The following RUBCN variants were observed in gnomAD, a reference collection of about 807,000 sequenced individuals.
RUBCN encodes the protein run domain Beclin-1-interacting and cysteine-rich domain-containing protein.
A neutral mutation model predicts 113.2 loss-of-function variants in RUBCN; 74 were observed. That is an observed-to-expected ratio of 0.65 (90% confidence interval 0.54 to 0.79). The LOEUF is 0.79. Among genes scored for constraint, RUBCN ranks in the 30% least tolerant of loss-of-function variants. RUBCN has a pLI of 0.00. For missense variants in RUBCN, 1,109 were observed against 1,251.7 expected, an observed-to-expected ratio of 0.89 and a Z score of 1.72; for synonymous variants, 480 against 490.0, an observed-to-expected ratio of 0.98 and a Z score of 0.27.
chr3:197,748,959 A>T (rs1463808842), intron 1 of RUBCN, among the ~76,000 whole-genome samples: 1 of 152,228 alleles, frequency 6.6e-6, no homozygotes, highest in Non-Finnish European at 1.5e-5. Flanking sequence ...AAGGCGACAG[A>T]GATTTCTAGG....
chr3:197,694,509 C>T lies in RUBCN; in HGVS notation c.1550G>A (p.Cys517Tyr). 6.2e-7 allele frequency: 1 copy of T among 1,614,200 alleles called. No homozygotes were observed. The highest frequency in any genetic ancestry group is 1.3e-5 in the African/African-American group (1 of 75,058). ...CTCTTCCACTTCCTCCTCCTCTAGGCACTGGCTCATCATGTTGCACTTCAT... is the reference window on the plus strand; with the variant it reads ...CTCTTCCACTTCCTCCTCCTCTAGGTACTGGCTCATCATGTTGCACTTCAT... ...ELMKCNMMSQ[C>Y]LEEEEVEEED... Residue 517 changes from cysteine (C) to tyrosine (Y), a missense_variant, in exon 10 of 20, where the codon TGC becomes TAC. Coordinates refer to ENST00000296343, the MANE Select transcript of RUBCN (RefSeq NM_014687.4).
At chr3:197,698,959 T>C (rs1303974788) in intron 7 of RUBCN, among the ~76,000 whole-genome samples, 1 of 151,770 alleles carries the variant, frequency 6.6e-6, no homozygotes, top group Non-Finnish European at 1.5e-5. Flanking sequence ...AATTGATAAG[T>C]CTTGACTCTG....
intron 11 of RUBCN, among the ~76,000 whole-genome samples, chr3:197,685,841 G>A (rs1721778798): frequency 6.6e-6 from 1 of 152,204 alleles, no homozygotes; most frequent in Admixed American, 6.5e-5. Flanking sequence ...AAAAACAGTA[G>A]AGGCAACAGT....
rs772971231 is a variant in RUBCN at position 197,669,654 on chromosome 3, T to C, written c.*5364A>G. On this transcript the variant is annotated 3_prime_UTR_variant, in exon 20 of 20. Coordinates refer to ENST00000296343, the MANE Select transcript of RUBCN (RefSeq NM_014687.4). ...TTGCTATTTTCCTCTTTCTATATCCTTTTATTTAAAAAAGTGAATCACTAA... is the reference window on the plus strand; with the variant it reads ...TTGCTATTTTCCTCTTTCTATATCCCTTTATTTAAAAAAGTGAATCACTAA... Among the ~76,000 whole-genome samples, 1 of 152,222 alleles carries C rather than the reference T, an allele frequency of 6.6e-6. No homozygotes were observed. The highest frequency in any genetic ancestry group is 1.9e-4 in the East Asian group (1 of 5,200).
At chr3:197,743,109 T>C (rs116406513) in intron 1 of RUBCN, among the ~76,000 whole-genome samples, 85 of 152,374 alleles carry the variant, frequency 5.6e-4, no homozygotes, top group African/African-American at 1.9e-3. Flanking sequence ...TAGTGGCCAG[T>C]AGTGCTCCTT....
In RUBCN at chr3:197,669,370, C is replaced by T. The variant is rs1278362866; in HGVS notation, c.*5648G>A. 6.6e-6 allele frequency among the ~76,000 whole-genome samples: 1 copy of T among 152,230 alleles called. No individual in the cohort carries two copies. The highest frequency in any genetic ancestry group is 2.4e-5 in the African/African-American group (1 of 41,460). ...AGTCTCCTCTCGTCCGTGACGGCATCTCTTTCCTTGTTTTCGAGACCTTGG... is the reference window on the plus strand; with the variant it reads ...AGTCTCCTCTCGTCCGTGACGGCATTTCTTTCCTTGTTTTCGAGACCTTGG... On this transcript the variant is annotated 3_prime_UTR_variant, in exon 20 of 20. Coordinates refer to ENST00000296343, the MANE Select transcript of RUBCN (RefSeq NM_014687.4).
At chr3:197,745,284 C>CA (rs35402850) in intron 1 of RUBCN, among the ~76,000 whole-genome samples, 102,183 of 137,522 alleles carry the variant, frequency 0.74, 38,560 homozygotes, top group East Asian at 0.89. Flanking sequence ...GATGCTGTCT[C>CA]AAAAAAAAAA....
chr3:197,696,893 C>T, intron 8 of RUBCN, 61 bp downstream of exon 8: 1 of 901,118 alleles, frequency 1.1e-6, no homozygotes, highest in Non-Finnish European at 1.9e-6. Flanking sequence ...CAGAACTTAG[C>T]AGGCACAAGG....
chr3:197,720,963 G>T (rs916776489), intron 1 of RUBCN, among the ~76,000 whole-genome samples: 1 of 151,736 alleles, frequency 6.6e-6, no homozygotes, highest in East Asian at 1.9e-4. Flanking sequence ...CATCCTCACC[G>T]ACACCGGCTA....
At position 197,700,957 on chromosome 3, in the gene RUBCN, G is replaced by C. The variant is rs753203049; in HGVS notation, c.917C>G (p.Ser306Cys). ...GGAATCATTCTGGCTGCTGACCCAG[G>C]ATGCCTCTATGGGGCTGGTCAGAGT... ...SSTLTSPIEA[S>C]WVSSQNDSPG... Residue 306 changes from serine (S) to cysteine (C), a missense_variant, in exon 7 of 20, where the codon TCC (serine) becomes TGC (cysteine). Transcript: ENST00000296343. The C allele has an allele frequency of 6.2e-7, 1 of 1,614,214 alleles. No individual in the cohort carries two copies. The highest frequency in any genetic ancestry group is 8.5e-7 in the Non-Finnish European group (1 of 1,180,046).
At chr3:197,744,769 A>C (rs1728666824) in intron 1 of RUBCN, among the ~76,000 whole-genome samples, 1 of 152,236 alleles carries the variant, frequency 6.6e-6, no homozygotes, top group South Asian at 2.1e-4. Flanking sequence ...AGAAAATGCA[A>C]ATTAATCTAC....
chr3:197,691,062 A>G (rs1287485401), intron 11 of RUBCN: 11 of 1,284,654 alleles, frequency 8.6e-6, no homozygotes, highest in Non-Finnish European at 1.1e-5. Context: ...CCACGCTTGC[A>G]AAGTAGGCTA....
intron 1 of RUBCN, among the ~76,000 whole-genome samples, chr3:197,729,314 G>A (rs1474781602): frequency 2.0e-5 from 3 of 151,854 alleles, no homozygotes; most frequent in Non-Finnish European, 4.4e-5. Context: ...GTGCAGCGGC[G>A]CGATCTCGGC....
Position 197,681,879 on chromosome 3 carries a change from T to C in RUBCN, c.2147A>G (p.Lys716Arg). 4 of 1,613,898 alleles carry C rather than the reference T, an allele frequency of 2.5e-6. No homozygotes were observed. The highest frequency in any genetic ancestry group is 1.1e-5 in the South Asian group (1 of 91,070). The change falls in exon 15 of 20, where the codon AAG becomes AGG. Residue 716 changes from lysine (K) to arginine (R), a missense_variant. Lys to Arg is a conservative substitution (Grantham distance 26). This residue lies in a region of RUBCN where 306 missense variants were observed against 348.9 expected (regional missense o/e 0.88). Transcript: ENST00000296343. The surrounding 1 kb of genome is among the most constrained non-coding windows in gnomAD (Gnocchi z 5.5). Reference protein sequence around the residue: ...PAPTRKIAVAKQNYRCAGCGI... With the variant: ...PAPTRKIAVARQNYRCAGCGI... ...ACATCCTGCACAGCGGTAATTCTGC[T>C]TGGCCACGGCAATTTTCCTCCTGAG...
chr3:197,704,444 A>C, intron 4 of RUBCN, 98 bp downstream of exon 4: 1 of 1,228,066 alleles, frequency 8.1e-7, no homozygotes, highest in Non-Finnish European at 1.2e-6. Context: ...CAAAGAAAAA[A>C]AGAAAAATAG....
rs201022149 is a variant in RUBCN, at chr3:197,701,752, C to T, written c.683G>A (p.Gly228Glu). 1,281 of 1,614,098 alleles carry T rather than the reference C, an allele frequency of 7.9e-4. 2 individuals are homozygous for T. Among genetic ancestry groups the T allele is most frequent in the Non-Finnish European group, 1.0e-3 (1,237 of 1,180,002 alleles). Residue 228 changes from glycine to glutamate, a missense_variant, in exon 6 of 20, where the codon GGG becomes GAG. By Grantham distance (98) the Gly-to-Glu change is moderately conservative (BLOSUM62 -2). This residue lies in a region of RUBCN where 736 missense variants were observed against 779.6 expected (regional missense o/e 0.94). Coordinates refer to ENST00000296343, the MANE Select transcript of RUBCN (RefSeq NM_014687.4). ...PNSYAQHSYFGSFSSLHQSVP... is the reference protein window; with the variant it reads ...PNSYAQHSYFESFSSLHQSVP... ...GGATTGGTGGAGGCTAGAGAAGGACCCAAAGTAGGAATGCTGAGCATAGCT... is the reference window on the plus strand; with the variant it reads ...GGATTGGTGGAGGCTAGAGAAGGACTCAAAGTAGGAATGCTGAGCATAGCT...
rs372110807 is a variant in RUBCN at position 197,728,985 on chromosome 3, C to T, written c.65+7670G>A. Among the ~76,000 whole-genome samples, 6 of 151,858 alleles carry T rather than the reference C, an allele frequency of 4.0e-5. No individual in the cohort carries two copies. In the South Asian group the frequency reaches 8.3e-4, roughly 21 times the overall value. On this transcript the variant is annotated intron_variant, in intron 1 of 19. Coordinates refer to ENST00000296343, the MANE Select transcript of RUBCN (RefSeq NM_014687.4). ...TAAGTACTAACAGAAAGATTCAGGC[C>T]GGGCGCGGTGGCTCACGCCTGTAAT... is the stretch of plus-strand genomic sequence containing the variant.
At chr3:197,678,393 C>A (rs1466931307) in intron 16 of RUBCN, among the ~76,000 whole-genome samples, 1 of 151,542 alleles carries the variant, frequency 6.6e-6, no homozygotes, top group Admixed American at 6.6e-5. Flanking sequence ...ACTCTGACAA[C>A]TGGCTTCAGA....
chr3:197,682,857 G>A (rs778375429), intron 13 of RUBCN, among the ~76,000 whole-genome samples: 98 of 152,122 alleles, frequency 6.4e-4, no homozygotes, highest in Non-Finnish European at 1.2e-3. Flanking sequence ...ACCAGGAGGC[G>A]CCAAGGTACT....
Sources: gnomAD v4.1 joint callset for allele counts (sites outside exome capture counted in the v4.1 genomes callset) on GRCh38, gnomAD v4.1.1 for gene constraint, gnomAD v4.1.1 regional missense constraint, Gnocchi (gnomAD v3.1) non-coding constraint, MANE v1.5 for transcripts, NCBI Gene and HGNC (gene_info 2026-07-23, HGNC 2026-07-21) for gene names.